The following ST7 variants were observed in gnomAD, a reference collection of about 807,000 sequenced individuals.
ST7 encodes suppression of tumorigenicity 7.
In ST7, 28 loss-of-function variants were observed where a neutral mutation model predicts 78.7. The ratio of observed to expected loss-of-function variants is 0.36; its 90% CI spans 0.26 to 0.49. ST7 has a LOEUF of 0.49. Ranked by LOEUF, ST7 falls within the 20% of genes least tolerant of loss-of-function variation. ST7 has a pLI of 0.99. For missense variants in ST7, 418 were observed against 696.0 expected (o/e 0.60, Z 4.49); for synonymous variants, 247 against 249.6 (o/e 0.99, Z 0.10).
chr7:116,953,639 C>T lies in ST7; in HGVS notation c.99C>T (p.Phe33=). Residue 33 remains phenylalanine (F), a synonymous_variant, in exon 1 of 16, where the codon TTC becomes TTT. Transcript: ENST00000323984. The part of the protein sequence containing the change: ...LWTVWFFIVL[F]LVYILRVPLK... ...CCGTGTGGTTCTTCATCGTGCTATTCCTGGTCTACATCCTGCGGGTGCCTT... is the reference window on the plus strand; with the variant it reads ...CCGTGTGGTTCTTCATCGTGCTATTTCTGGTCTACATCCTGCGGGTGCCTT... 10 of 1,507,416 alleles carry T rather than the reference C, an allele frequency of 6.6e-6. No homozygotes were observed. The highest frequency in any genetic ancestry group is 8.1e-6 in the Non-Finnish European group (9 of 1,115,634). The allele number at this position is 1,507,416 out of a possible 1,614,324, so 93.4% of individuals were successfully genotyped here. A position where few individuals can be genotyped will look rare whatever the true frequency, so the allele number is the denominator to read the frequency against.
At chr7:117,100,676 G>C (rs1801504601) in intron 2 of ST7, among the ~76,000 whole-genome samples, 1 of 151,540 alleles carries the variant, frequency 6.6e-6, no homozygotes, top group South Asian at 2.1e-4. Context: ...ATGCAAAAAA[G>C]CAATATGATT....
At position 117,099,854 on chromosome 7, in the gene ST7, G is replaced by A; in HGVS notation, c.234+10G>A. The A allele has an allele frequency of 6.2e-7, 1 of 1,607,182 alleles. No homozygotes were observed. Among genetic ancestry groups the A allele is most frequent in the South Asian group, 1.1e-5 (1 of 90,416 alleles). On this transcript the variant is annotated intron_variant, in intron 2 of 15. Coordinates refer to ENST00000323984, the MANE Select transcript of ST7 (RefSeq NM_001369598.1). ...ATCAGGGCTTATTTTGGTAAGTGGT[G>A]GAGTCCTTCTCATTTAAAAACATGC... is the stretch of plus-strand genomic sequence containing the variant.
rs141022293 is a variant in ST7, at chr7:117,066,709, C to T, written c.152-33053C>T. Among the ~76,000 whole-genome samples the T allele has an allele frequency of 6.6e-3, 940 of 142,366 alleles. 5 individuals are homozygous for T. The highest frequency in any genetic ancestry group is 0.019 in the African/African-American group (720 of 38,188). 93.4% of individuals were successfully genotyped at this position (142,366 alleles called of 152,430 possible). On this transcript the variant is annotated intron_variant, in intron 1 of 15. Transcript: ENST00000323984. ...CTGGAAGGCAGAGATTGCAGTGAGC[C>T]GGGATCATGTCACTGCACTCCAGCC...
At chr7:116,968,386 C>G in intron 1 of ST7, 1 of 429,440 alleles carries the variant, frequency 2.3e-6, no homozygotes, top group Non-Finnish European at 4.7e-6. Context: ...CTTTTTGCTT[C>G]TTCTTGAGAC....
chr7:116,982,499 A>G (rs1267972399), intron 1 of ST7, among the ~76,000 whole-genome samples: 1 of 152,018 alleles, frequency 6.6e-6, no homozygotes, highest in East Asian at 1.9e-4. Flanking sequence ...ACTTCTTTAA[A>G]CCAGTGTAGA....
In ST7 at chr7:117,069,644, G is replaced by C. The variant is rs1219148074; in HGVS notation, c.152-30118G>C. 2.6e-5 allele frequency among the ~76,000 whole-genome samples: 4 copies of C among 152,202 alleles called. No homozygotes were observed. The East Asian group carries it at 7.7e-4, about 29-fold the overall frequency. On this transcript the variant is annotated intron_variant, in intron 1 of 15. Transcript: ENST00000323984. ...CCCCTTGACTTGTTACTTCTGTGGAGACTTTGGGTGCTCATCAAGAAACAA... is the reference window on the plus strand; with the variant it reads ...CCCCTTGACTTGTTACTTCTGTGGACACTTTGGGTGCTCATCAAGAAACAA...
Position 116,953,531 on chromosome 7 carries a change from G to A in ST7, c.-10G>A, listed in dbSNP as rs759881657. On this transcript the variant is annotated 5_prime_UTR_variant, in exon 1 of 16. Transcript: ENST00000323984. ...CCAAGAGCCGCGGCAGCAGAGAGGA[G>A]CGCTGAAACATGGCTGAAGCGGCCA... The A allele has an allele frequency of 8.8e-6, 12 of 1,366,130 alleles. No individual in the cohort carries two copies. The highest frequency in any genetic ancestry group is 3.2e-5 in the East Asian group (1 of 31,128). The allele number at this position is 1,366,130 out of a possible 1,614,324, so 84.6% of individuals were successfully genotyped here. A position where few individuals can be genotyped will look rare whatever the true frequency, so the allele number is the denominator to read the frequency against.
intron 1 of ST7, among the ~76,000 whole-genome samples, chr7:117,004,091 A>G (rs1795056100): frequency 6.6e-6 from 1 of 152,198 alleles, no homozygotes. Context: ...TTTTACATTG[A>G]TATGGATGAA....
At chr7:116,957,069 C>T (rs147738422) in intron 1 of ST7, 7 of 169,034 alleles carry the variant, frequency 4.1e-5, no homozygotes, top group African/African-American at 1.7e-4. Flanking sequence ...ACAACCATAC[C>T]GTTTTTAGCT....
intron 1 of ST7, among the ~76,000 whole-genome samples, chr7:117,071,254 C>G (rs1798941829): frequency 6.6e-6 from 1 of 152,052 alleles, no homozygotes; most frequent in Non-Finnish European, 1.5e-5. Flanking sequence ...ACAAAACAAA[C>G]TATATTCTAA....
intron 9 of ST7, among the ~76,000 whole-genome samples, chr7:117,155,577 T>C (rs1371880919): frequency 1.8e-4 from 28 of 152,152 alleles, no homozygotes; most frequent in Non-Finnish European, 4.4e-5. Flanking sequence ...TGGACATATG[T>C]ATCTCAACGC....
At chr7:117,017,521 A>G (rs1795670753) in intron 1 of ST7, among the ~76,000 whole-genome samples, 1 of 152,194 alleles carries the variant, frequency 6.6e-6, no homozygotes, top group Admixed American at 6.5e-5. Context: ...CTAGAAATTA[A>G]CAGCACTGTC....
At position 117,229,981 on chromosome 7, in the gene ST7, T is replaced by C. The variant is rs762245531; in HGVS notation, c.*124T>C. ...AAGCCATTCCGAGATTTTAAAATGTTCATGGACTATTCCATATTAAAAGCT... is the reference window on the plus strand; with the variant it reads ...AAGCCATTCCGAGATTTTAAAATGTCCATGGACTATTCCATATTAAAAGCT... On this transcript the variant is annotated 3_prime_UTR_variant, in exon 16 of 16. Coordinates refer to ENST00000323984, the MANE Select transcript of ST7 (RefSeq NM_001369598.1). 1.1e-6 allele frequency: 1 copy of C among 876,046 alleles called. No homozygotes were observed. Among genetic ancestry groups the C allele is most frequent in the South Asian group, 1.3e-5 (1 of 75,650 alleles). 54.3% of individuals were successfully genotyped at this position (876,046 alleles called of 1,614,324 possible).
intron 1 of ST7, among the ~76,000 whole-genome samples, chr7:117,026,738 G>C (rs900033532): frequency 1.3e-5 from 2 of 152,196 alleles, no homozygotes; most frequent in African/African-American, 4.8e-5. Context: ...TCTGTGTTAG[G>C]GGAACTGGCC....
intron 1 of ST7, among the ~76,000 whole-genome samples, chr7:117,048,629 G>A (rs1054864053): frequency 6.6e-6 from 1 of 151,994 alleles, no homozygotes; most frequent in Non-Finnish European, 1.5e-5. Context: ...CCATATCTGC[G>A]GTCTCTTTCA....
At chr7:116,972,129 A>G in intron 1 of ST7, 1 of 551,976 alleles carries the variant, frequency 1.8e-6, no homozygotes, top group Non-Finnish European at 3.6e-6. Flanking sequence ...AGTCAGGGTC[A>G]GAGGGAGGAG....
intron 1 of ST7, chr7:116,967,242 T>C (rs1793166167): frequency 2.1e-6 from 1 of 469,716 alleles, no homozygotes. Flanking sequence ...ATTCTGAGCC[T>C]GTTCTGGAAG....
chr7:117,118,059 G>A (rs1206087203), intron 2 of ST7: 3 of 152,532 alleles, frequency 2.0e-5, no homozygotes, highest in Non-Finnish European at 4.4e-5. Flanking sequence ...TCTGCCCAGA[G>A]AAAATACTTG....
chr7:117,225,517 G>A (rs1289183003), intron 15 of ST7, among the ~76,000 whole-genome samples: 3 of 152,172 alleles, frequency 2.0e-5, no homozygotes, highest in African/African-American at 4.8e-5. Flanking sequence ...CCCTTCTCCC[G>A]CCGCCTCCTC....
Sources: gnomAD v4.1 joint callset for allele counts (sites outside exome capture counted in the v4.1 genomes callset) on GRCh38, gnomAD v4.1.1 for gene constraint, MANE v1.5 for transcripts, NCBI Gene and HGNC (gene_info 2026-07-23, HGNC 2026-07-21) for gene names.